Variants in PREX1 observed in about 807,000 individuals in gnomAD.
PREX1 encodes phosphatidylinositol 3,4,5-trisphosphate-dependent Rac exchanger 1 protein.
PREX1 carries 41 observed loss-of-function variants against 198.3 expected under a neutral mutation model. The observed-to-expected ratio is 0.21, with a 90% CI of 0.16 to 0.27. The LOEUF is 0.27. Among genes scored for constraint, PREX1 ranks in the 10% least tolerant of loss-of-function variants. The pLI, the probability that PREX1 is intolerant of heterozygous loss-of-function variation, is 1.00. For missense variants in PREX1, 1,620 were observed against 2,200.7 expected, an observed-to-expected ratio of 0.74 and a Z score of 5.28; for synonymous variants, 843 against 887.2, an observed-to-expected ratio of 0.95 and a Z score of 0.89.
At chr20:48,844,792 A>G in the PREX1 span, among the ~76,000 whole-genome samples, 584 of 152,330 alleles carry the variant, frequency 3.8e-3, 3 homozygotes, top group African/African-American at 0.011. Flanking sequence ...GACACATTGC[A>G]TAAAACACAT....
chr20:48,846,934 T>A, the PREX1 span, among the ~76,000 whole-genome samples: 1 of 152,140 alleles, frequency 6.6e-6, no homozygotes, highest in African/African-American at 2.4e-5. Flanking sequence ...TGCTTGACCT[T>A]TCAAGGGGAG....
chr20:48,852,547 G>A, the PREX1 span, among the ~76,000 whole-genome samples: 2 of 152,094 alleles, frequency 1.3e-5, no homozygotes, highest in Non-Finnish European at 2.9e-5. Flanking sequence ...ACACACCCCG[G>A]TCATCTTTTT....
chr20:48,827,852 C>G lies in PREX1; in HGVS notation c.9G>C (p.Ala3=), dbSNP rs1343931001. ME[A]PSGSEPGGDG... ...CGCCGCCGGGCTCGCTGCCGCTGGG[C>G]GCCTCCATTCTAGCGCGGCCGCGCG... The change falls in exon 1 of 40, where the codon GCG becomes GCC. Residue 3 remains alanine (A), a synonymous_variant. Transcript: ENST00000371941. This position sits in a 1 kb window ranked among gnomAD's most constrained non-coding sequence, Gnocchi z 4.1. 46 of 986,014 alleles carry G rather than the reference C, an allele frequency of 4.7e-5. No homozygotes were observed. In the African/African-American group the frequency reaches 7.9e-4, roughly 17 times the overall value. 61.1% of individuals were successfully genotyped at this position (986,014 alleles called of 1,614,324 possible). A position where few individuals can be genotyped will look rare whatever the true frequency, so the allele number is the denominator to read the frequency against.
At chr20:48,850,301 C>A in the PREX1 span, among the ~76,000 whole-genome samples, 1 of 152,074 alleles carries the variant, frequency 6.6e-6, no homozygotes, top group East Asian at 1.9e-4. Context: ...GGGAGGAAAC[C>A]CAGGGAGGAG....
intron 5 of PREX1, among the ~76,000 whole-genome samples, chr20:48,711,736 C>CA (rs1208520761): frequency 2.6e-5 from 4 of 152,210 alleles, no homozygotes; most frequent in African/African-American, 7.2e-5. Flanking sequence ...TTTGCTGGCC[C>CA]TTTGTTAAAA....
At chr20:48,780,925 A>G (rs2090286683) in intron 1 of PREX1, among the ~76,000 whole-genome samples, 1 of 152,230 alleles carries the variant, frequency 6.6e-6, no homozygotes, top group African/African-American at 2.4e-5. Flanking sequence ...CCCCTTGAAC[A>G]TATCAACATC....
intron 4 of PREX1, among the ~76,000 whole-genome samples, chr20:48,728,077 G>C (rs1166250384): frequency 6.6e-6 from 1 of 152,118 alleles, no homozygotes; most frequent in Non-Finnish European, 1.5e-5. Context: ...ACACCACCCT[G>C]GCAAACTGGA....
At chr20:48,747,278 A>AGAGCCAGGCTGGGGCT (rs2090113101) in intron 2 of PREX1, among the ~76,000 whole-genome samples, 1 of 152,210 alleles carries the variant, frequency 6.6e-6, no homozygotes, top group African/African-American at 2.4e-5. Flanking sequence ...CCAGGCCTGG[A>AGAGCCAGGCTGGGGCT]GAGCCAGGCT....
At chr20:48,634,065 G>GCGAT (rs1555829111) in intron 33 of PREX1, among the ~76,000 whole-genome samples, 9 of 113,950 alleles carry the variant, frequency 7.9e-5, no homozygotes, top group African/African-American at 1.9e-4. Flanking sequence ...ATGGATGAGT[G>GCGAT]GGATGGATGG....
intron 5 of PREX1, among the ~76,000 whole-genome samples, chr20:48,714,889 C>T (rs192308571): frequency 4.1e-4 from 63 of 152,274 alleles, no homozygotes; most frequent in East Asian, 3.7e-3. Context: ...TATGGAAACT[C>T]GAAGGTGTCC....
chr20:48,677,258 G>C (rs953098994), intron 13 of PREX1, among the ~76,000 whole-genome samples: 1 of 152,224 alleles, frequency 6.6e-6, no homozygotes, highest in Non-Finnish European at 1.5e-5. Flanking sequence ...GAGCCCAGGA[G>C]GGCGGAGGCA....
At chr20:48,764,947 G>A (rs957107602) in intron 1 of PREX1, among the ~76,000 whole-genome samples, 14 of 152,004 alleles carry the variant, frequency 9.2e-5, no homozygotes, top group Admixed American at 3.9e-4. Flanking sequence ...GCAAGGAAAC[G>A]GATTCTCCCC....
chr20:48,882,184 G>A, the PREX1 span, among the ~76,000 whole-genome samples: 1 of 152,078 alleles, frequency 6.6e-6, no homozygotes, highest in East Asian at 1.9e-4. Flanking sequence ...TTCCAGGTTT[G>A]GGGTATTATG....
In PREX1 at chr20:48,651,503, G is replaced by A; in HGVS notation, c.2548C>T (p.His850Tyr). ...PMVTLTVDNV[H>Y]LEHGVVYEYV... ...TCATACACCACGCCGTGTTCCAGGTGCACGTTGTCCACAGTCAGGGTGACC... is the reference window on the plus strand; with the variant it reads ...TCATACACCACGCCGTGTTCCAGGTACACGTTGTCCACAGTCAGGGTGACC... Residue 850 changes from histidine to tyrosine, a missense_variant, in exon 22 of 40, where the codon CAC becomes TAC. This residue lies in a region of PREX1 where 514 missense variants were observed against 611.6 expected (regional missense o/e 0.84). Transcript: ENST00000371941. 2 of 1,614,246 alleles carry A rather than the reference G, an allele frequency of 1.2e-6. No homozygotes were observed. The highest frequency in any genetic ancestry group is 1.7e-6 in the Non-Finnish European group (2 of 1,180,048).
At chr20:48,880,545 G>A in the PREX1 span, among the ~76,000 whole-genome samples, 49 of 152,250 alleles carry the variant, frequency 3.2e-4, no homozygotes, top group Non-Finnish European at 5.9e-4. Context: ...TCCAGCTATT[G>A]CAGCCACATT....
chr20:48,625,772 A>G lies in PREX1; in HGVS notation c.*113T>C, dbSNP rs1416510670. On this transcript the variant is annotated 3_prime_UTR_variant, in exon 40 of 40. Coordinates refer to ENST00000371941, the MANE Select transcript of PREX1 (RefSeq NM_020820.4). Reference sequence around the variant, plus strand: ...AGGGAGGACGCTGGGCAGGTCCCGGAACGGGCGGCTGCGGAAGCCTTGGGC... The same window carrying G: ...AGGGAGGACGCTGGGCAGGTCCCGGGACGGGCGGCTGCGGAAGCCTTGGGC... The G allele has an allele frequency of 7.8e-7, 1 of 1,274,956 alleles. No homozygotes were observed. The highest frequency in any genetic ancestry group is 1.6e-5 in the African/African-American group (1 of 63,552). 79.0% of individuals were successfully genotyped at this position (1,274,956 alleles called of 1,614,324 possible). A position where few individuals can be genotyped will look rare whatever the true frequency, so the allele number is the denominator to read the frequency against.
rs2090512393 is a variant in PREX1, at chr20:48,827,126, G to A, written c.219+516C>T. ...GAACTCCAGCAAAAACCTGTGCATG[G>A]GGGATTCTACCCTGGGGTTCTGTCA... On this transcript the variant is annotated intron_variant, in intron 1 of 39. Coordinates refer to ENST00000371941, the MANE Select transcript of PREX1 (RefSeq NM_020820.4). This position sits in a 1 kb window ranked among gnomAD's most constrained non-coding sequence, Gnocchi z 4.1. Among the ~76,000 whole-genome samples the A allele has an allele frequency of 6.6e-6, 1 of 152,148 alleles. No individual in the cohort carries two copies. The highest frequency in any genetic ancestry group is 2.4e-5 in the African/African-American group (1 of 41,444).
At chr20:48,818,921 T>C (rs1459706094) in intron 1 of PREX1, among the ~76,000 whole-genome samples, 1 of 152,062 alleles carries the variant, frequency 6.6e-6, no homozygotes, top group Non-Finnish European at 1.5e-5. Context: ...TGTGGTTGGG[T>C]CCACTGGCCT....
rs914177193 is a variant in PREX1, at chr20:48,691,541, G to T, written c.1037-445C>A. Among the ~76,000 whole-genome samples the T allele has an allele frequency of 6.6e-6, 1 of 152,200 alleles. No individual in the cohort carries two copies. Among genetic ancestry groups the T allele is most frequent in the Non-Finnish European group, 1.5e-5 (1 of 68,028 alleles). On this transcript the variant is annotated intron_variant, in intron 8 of 39. Transcript: ENST00000371941. The surrounding 1 kb of genome is among the most constrained non-coding windows in gnomAD (Gnocchi z 5.0). ...GAAAACCTCTCAAACAGATTGGCAT[G>T]ATCTAGGGAAGCGAAAGCCTGAATC...
Sources: gnomAD v4.1 joint callset for allele counts (sites outside exome capture counted in the v4.1 genomes callset) on GRCh38, gnomAD v4.1.1 for gene constraint, gnomAD v4.1.1 regional missense constraint, Gnocchi (gnomAD v3.1) non-coding constraint, MANE v1.5 for transcripts, NCBI Gene and HGNC (gene_info 2026-07-23, HGNC 2026-07-21) for gene names.